Variants in ST7 observed in about 807,000 individuals in gnomAD.
ST7 encodes suppressor of tumorigenicity 7 protein.
Under a neutral mutation model 78.7 loss-of-function variants are expected in ST7, and 28 were observed. The ratio of observed to expected loss-of-function variants is 0.36; its 90% CI spans 0.26 to 0.49. The LOEUF (loss-of-function observed/expected upper bound fraction) is 0.49. ST7 is among the 20% of genes least tolerant of loss of function. The pLI, the probability that ST7 is intolerant of heterozygous loss-of-function variation, is 0.99. For synonymous variants in ST7, 247 were observed against 249.6 expected (o/e 0.99, Z 0.10); for missense variants, 418 against 696.0 (o/e 0.60, Z 4.49).
intron 1 of ST7, among the ~76,000 whole-genome samples, chr7:117,040,272 T>C (rs1797138316): frequency 1.3e-5 from 2 of 152,038 alleles, no homozygotes; most frequent in Non-Finnish European, 2.9e-5. Context: ...TTTGGGAGGC[T>C]GAGGCAGGAG....
At chr7:117,083,736 C>G (rs575967715) in intron 1 of ST7, among the ~76,000 whole-genome samples, 1 of 152,078 alleles carries the variant, frequency 6.6e-6, no homozygotes, top group East Asian at 1.9e-4. Context: ...TGTAATGAAG[C>G]ATATTCTCTT....
chr7:116,999,808 C>CT (rs71148356), intron 1 of ST7, among the ~76,000 whole-genome samples: 42,951 of 104,116 alleles, frequency 0.41, 10,778 homozygotes, highest in East Asian at 0.56. Context: ...AATTTTCTTT[C>CT]TTTTTTTTTT....
rs577943228 is a variant in ST7, at chr7:117,216,827, A to G, written c.1406-2257A>G. ...ACATGAGAGAGATTTTAAGAGCACC[A>G]TAAGCATCTTTATAATCATGGGGGT... On this transcript the variant is annotated intron_variant, in intron 13 of 15. Coordinates refer to ENST00000323984, the MANE Select transcript of ST7 (RefSeq NM_001369598.1). Among the ~76,000 whole-genome samples the G allele has an allele frequency of 6.0e-5, 9 of 150,930 alleles. No individual in the cohort carries two copies. The East Asian group carries it at 1.6e-3, about 26-fold the overall frequency.
intron 1 of ST7, among the ~76,000 whole-genome samples, chr7:117,006,715 T>G (rs529165892): frequency 6.6e-6 from 1 of 152,372 alleles, no homozygotes; most frequent in African/African-American, 2.4e-5. Context: ...ATTGAAGGTT[T>G]GTGGCAACCC....
At chr7:117,016,506 A>G (rs904225036) in intron 1 of ST7, among the ~76,000 whole-genome samples, 1 of 1,690 alleles carries the variant, frequency 5.9e-4, no homozygotes, top group African/African-American at 6.6e-4. Flanking sequence ...TGTTGTTCTT[A>G]AGTAATACTT....
At chr7:116,987,644 G>T (rs1794243060) in intron 1 of ST7, among the ~76,000 whole-genome samples, 1 of 152,190 alleles carries the variant, frequency 6.6e-6, no homozygotes, top group Admixed American at 6.5e-5. Flanking sequence ...TCAAAGGAAA[G>T]AAACCTATTA....
intron 1 of ST7, among the ~76,000 whole-genome samples, chr7:117,030,934 C>T (rs1796442880): frequency 6.6e-6 from 1 of 152,020 alleles, no homozygotes; most frequent in South Asian, 2.1e-4. Context: ...ATGGAATCAA[C>T]CTAAATGTGC....
intron 1 of ST7, among the ~76,000 whole-genome samples, chr7:117,063,642 G>A (rs1446747562): frequency 6.6e-6 from 1 of 152,154 alleles, no homozygotes; most frequent in African/African-American, 2.4e-5. Context: ...CTGGGAGGGT[G>A]AGGCTGAAGT....
chr7:117,210,403 A>G (rs1259763737), intron 13 of ST7, among the ~76,000 whole-genome samples: 7 of 152,244 alleles, frequency 4.6e-5, no homozygotes, highest in Non-Finnish European at 7.3e-5. Flanking sequence ...CTTCAAACCA[A>G]GGACAGTGGC....
chr7:116,981,844 A>G (rs1793974776), intron 1 of ST7, among the ~76,000 whole-genome samples: 1 of 152,258 alleles, frequency 6.6e-6, no homozygotes, highest in African/African-American at 2.4e-5. Context: ...TGTACTGTAC[A>G]TAATTATATG....
chr7:117,127,904 A>G (rs1178157525), intron 3 of ST7, among the ~76,000 whole-genome samples: 1 of 151,976 alleles, frequency 6.6e-6, no homozygotes, highest in Non-Finnish European at 1.5e-5. Flanking sequence ...GATATATAAT[A>G]GAGTCGAAAT....
intron 1 of ST7, among the ~76,000 whole-genome samples, chr7:117,026,366 C>A (rs1321092651): frequency 6.6e-6 from 1 of 151,936 alleles, no homozygotes; most frequent in Non-Finnish European, 1.5e-5. Flanking sequence ...TATTGATATC[C>A]TTCCATTTTT....
At chr7:117,041,397 A>G (rs942652227) in intron 1 of ST7, among the ~76,000 whole-genome samples, 1 of 152,200 alleles carries the variant, frequency 6.6e-6, no homozygotes, top group Non-Finnish European at 1.5e-5. Context: ...AGCCAGAGCT[A>G]TAAGACAGTG....
At chr7:117,071,640 CTG>C (rs1798968569) in intron 1 of ST7, among the ~76,000 whole-genome samples, 1 of 152,204 alleles carries the variant, frequency 6.6e-6, no homozygotes, top group South Asian at 2.1e-4. Context: ...GTATGGCACA[CTG>C]GGGTAAACTG....
Position 117,214,999 on chromosome 7 carries a change from CAGAT to C in ST7, c.1406-4074_1406-4071del, listed in dbSNP as rs1030049073. Among the ~76,000 whole-genome samples, 13 of 150,758 alleles carry C rather than the reference CAGAT, an allele frequency of 8.6e-5. No individual in the cohort carries two copies. In the South Asian group the frequency reaches 1.1e-3, roughly 12 times the overall value. ...AAATACACACACACACACCTCACAT[CAGAT>C]AGATAGATAGTAATGCTTGTATCCA... is the stretch of plus-strand genomic sequence containing the variant. On this transcript the variant is annotated intron_variant, in intron 13 of 15. Transcript: ENST00000323984.
intron 3 of ST7, among the ~76,000 whole-genome samples, chr7:117,120,693 T>C (rs1803298646): frequency 6.6e-6 from 1 of 152,240 alleles, no homozygotes; most frequent in Admixed American, 6.5e-5. Flanking sequence ...ACACTATCTC[T>C]CTACTTCTGT....
intron 6 of ST7, among the ~76,000 whole-genome samples, chr7:117,132,240 A>G (rs1804419411): frequency 6.6e-6 from 1 of 151,850 alleles, no homozygotes; most frequent in Non-Finnish European, 1.5e-5. Context: ...AATAAATACA[A>G]TTCTTTACAT....
intron 10 of ST7, among the ~76,000 whole-genome samples, chr7:117,173,935 G>A (rs1252944712): frequency 6.6e-6 from 1 of 151,842 alleles, no homozygotes; most frequent in Non-Finnish European, 1.5e-5. Context: ...TGGGGGTGTC[G>A]AAGAACATAT....
intron 1 of ST7, among the ~76,000 whole-genome samples, chr7:117,023,572 C>T (rs1284975677): frequency 6.6e-6 from 1 of 152,084 alleles, no homozygotes; most frequent in Admixed American, 6.6e-5. Context: ...CGTTTATTAC[C>T]ATCTTGATGT....
Sources: allele counts gnomAD v4.1 joint callset (sites outside exome capture counted in the v4.1 genomes callset), GRCh38; gene constraint gnomAD v4.1.1; transcripts MANE v1.5; gene names NCBI Gene and HGNC (gene_info 2026-07-23, HGNC 2026-07-21).